The following LUZP2 variants were observed in gnomAD, a reference collection of about 807,000 sequenced individuals.
LUZP2 encodes the protein leucine zipper protein 2.
A neutral mutation model predicts 51.6 loss-of-function variants in LUZP2; 52 were observed. That is an observed-to-expected ratio of 1.01 (90% CI 0.81 to 1.27). The LOEUF (loss-of-function observed/expected upper bound fraction) is 1.27. Among genes scored for constraint, LUZP2 ranks in the 50% most tolerant of loss-of-function variants. The pLI is 0.00. For synonymous variants in LUZP2, 154 were observed against 137.3 expected (o/e 1.12, Z -0.85); for missense variants, 436 against 395.4 (o/e 1.10, Z -0.87).
At chr11:24,698,213 G>A (rs1021313995) in intron 1 of LUZP2, among the ~76,000 whole-genome samples, 2 of 152,190 alleles carry the variant, frequency 1.3e-5, no homozygotes, top group African/African-American at 4.8e-5. Flanking sequence ...CCACTGGGCT[G>A]TAAAACTACT....
intron 1 of LUZP2, among the ~76,000 whole-genome samples, chr11:24,699,609 G>A (rs1412882403): frequency 3.3e-5 from 5 of 150,992 alleles, no homozygotes; most frequent in African/African-American, 7.3e-5. Flanking sequence ...GAAATGTGAC[G>A]GTAGATGGAT....
intron 1 of LUZP2, among the ~76,000 whole-genome samples, chr11:24,545,914 A>C (rs1259270216): frequency 1.3e-5 from 2 of 152,114 alleles, no homozygotes; most frequent in Admixed American, 6.6e-5. Context: ...CTTCCTATCC[A>C]TGAGCATAGC....
At chr11:24,531,871 C>T (rs1851010839) in intron 1 of LUZP2, among the ~76,000 whole-genome samples, 1 of 150,878 alleles carries the variant, frequency 6.6e-6, no homozygotes, top group Non-Finnish European at 1.5e-5. Context: ...CTCTTTGCCT[C>T]ATCATCACCC....
chr11:24,842,371 G>A (rs1055121283), intron 5 of LUZP2, among the ~76,000 whole-genome samples: 2 of 151,462 alleles, frequency 1.3e-5, no homozygotes, highest in Non-Finnish European at 2.9e-5. Context: ...TAATAAAATA[G>A]TTTTGAGATT....
intron 4 of LUZP2, among the ~76,000 whole-genome samples, chr11:24,762,578 G>A (rs1021993576): frequency 1.3e-5 from 2 of 152,100 alleles, no homozygotes; most frequent in African/African-American, 4.8e-5. Flanking sequence ...AACCCTCAGT[G>A]ACTATAAAGT....
At chr11:24,567,594 C>G (rs868083186) in intron 1 of LUZP2, among the ~76,000 whole-genome samples, 1 of 151,872 alleles carries the variant, frequency 6.6e-6, no homozygotes, top group Non-Finnish European at 1.5e-5. Context: ...AATGACTCAT[C>G]ATGTATAAGG....
chr11:24,499,150 A>T (rs928376477), intron 1 of LUZP2, among the ~76,000 whole-genome samples: 1 of 152,192 alleles, frequency 6.6e-6, no homozygotes, highest in Non-Finnish European at 1.5e-5. Context: ...AACTTCTGCA[A>T]TGCTTGTGGT....
At chr11:24,757,202 C>T (rs1320469148) in intron 4 of LUZP2, among the ~76,000 whole-genome samples, 1 of 151,894 alleles carries the variant, frequency 6.6e-6, no homozygotes, top group East Asian at 1.9e-4. Context: ...CGACAAACTG[C>T]CTATATTTCT....
At chr11:24,961,536 TAA>T (rs1855406272) in intron 7 of LUZP2, among the ~76,000 whole-genome samples, 1 of 150,788 alleles carries the variant, frequency 6.6e-6, no homozygotes, top group African/African-American at 2.5e-5. Flanking sequence ...TTTGTTGGTT[TAA>T]AGTCTGTTTT....
chr11:25,019,321 G>A (rs181386447), intron 9 of LUZP2, among the ~76,000 whole-genome samples: 35 of 152,198 alleles, frequency 2.3e-4, no homozygotes, highest in Non-Finnish European at 4.1e-4. Context: ...TTACATGAGA[G>A]TAAACAGAAT....
chr11:24,531,707 T>G (rs1851005580), intron 1 of LUZP2, among the ~76,000 whole-genome samples: 1 of 150,952 alleles, frequency 6.6e-6, no homozygotes, highest in Admixed American at 6.6e-5. Context: ...TGGCTCATTT[T>G]GTTTAACATA....
chr11:24,701,921 G>A (rs748222208), intron 1 of LUZP2, among the ~76,000 whole-genome samples: 5 of 152,126 alleles, frequency 3.3e-5, no homozygotes, highest in Admixed American at 6.5e-5. Flanking sequence ...TGCATTTAAT[G>A]TCTTGAACAT....
chr11:24,671,220 GTAGA>G (rs991761573), intron 1 of LUZP2, among the ~76,000 whole-genome samples: 2 of 151,786 alleles, frequency 1.3e-5, no homozygotes, highest in African/African-American at 4.8e-5. Context: ...CTATATCTGT[GTAGA>G]TATTTTTTCT....
chr11:24,963,062 G>A (rs896012575), intron 7 of LUZP2, among the ~76,000 whole-genome samples: 4 of 152,174 alleles, frequency 2.6e-5, no homozygotes, highest in African/African-American at 9.7e-5. Context: ...CAGCAGCGGT[G>A]TTTGCAGAAC....
At chr11:24,514,633 A>G (rs1419938848) in intron 1 of LUZP2, among the ~76,000 whole-genome samples, 1 of 151,986 alleles carries the variant, frequency 6.6e-6, no homozygotes, top group Non-Finnish European at 1.5e-5. Context: ...GTTTATGTAA[A>G]TAAACTTTGT....
chr11:24,890,894 CTT>C (rs34323542), intron 5 of LUZP2: 4,066 of 730,536 alleles, frequency 5.6e-3, no homozygotes, highest in Middle Eastern at 8.3e-3. Context: ...AGTAAAAGTT[CTT>C]TTTTTTTTTT....
At chr11:25,033,020 A>G (rs111487605) in intron 9 of LUZP2, among the ~76,000 whole-genome samples, 14 of 152,320 alleles carry the variant, frequency 9.2e-5, no homozygotes, top group African/African-American at 3.1e-4. Flanking sequence ...TTCCCTCTTA[A>G]CAATCATCTA....
intron 5 of LUZP2, among the ~76,000 whole-genome samples, chr11:24,871,498 C>T (rs1054345861): frequency 2.6e-5 from 4 of 152,028 alleles, no homozygotes; most frequent in African/African-American, 9.7e-5. Flanking sequence ...TCCCCCCTGG[C>T]CACTTCAGTC....
At chr11:25,009,635 A>T (rs1856929958) in intron 9 of LUZP2, among the ~76,000 whole-genome samples, 3 of 152,144 alleles carry the variant, frequency 2.0e-5, no homozygotes, top group Admixed American at 6.6e-5. Context: ...ATTATTTTTT[A>T]AAAACTTTCT....
Sources: gnomAD v4.1 joint callset for allele counts (sites outside exome capture counted in the v4.1 genomes callset) on GRCh38, gnomAD v4.1.1 for gene constraint, MANE v1.5 for transcripts, NCBI Gene and HGNC (gene_info 2026-07-23, HGNC 2026-07-21) for gene names.